The following TENM3 variants were observed in gnomAD, a reference collection of about 807,000 sequenced individuals.
TENM3 encodes the protein teneurin-3.
In TENM3, 63 loss-of-function variants were observed where a neutral mutation model predicts 255.1. The ratio of observed to expected loss-of-function variants is 0.25; its 90% CI spans 0.20 to 0.30. The LOEUF is 0.30. Ranked by LOEUF, TENM3 falls within the 10% of genes least tolerant of loss-of-function variation. The pLI, the probability that TENM3 is intolerant of heterozygous loss-of-function variation, is 1.00. For missense variants in TENM3, 2,929 were observed against 3,461.1 expected (o/e 0.85, Z 3.86); for synonymous variants, 1,306 against 1,322.3 (o/e 0.99, Z 0.27).
intron 3 of TENM3, among the ~76,000 whole-genome samples, chr4:182,370,913 ACAAACT>A (rs1766761936): frequency 6.6e-6 from 1 of 152,150 alleles, no homozygotes; most frequent in Non-Finnish European, 1.5e-5. Flanking sequence ...GCCTCGAGAG[ACAAACT>A]CAACTAGGTA....
intron 3 of TENM3, among the ~76,000 whole-genome samples, chr4:182,595,587 TG>T (rs1747127819): frequency 6.6e-6 from 1 of 152,172 alleles, no homozygotes; most frequent in African/African-American, 2.4e-5. Context: ...AACATGCAAC[TG>T]TTAGGCTTTC....
chr4:181,950,872 C>T, the TENM3 span, among the ~76,000 whole-genome samples: 8 of 152,044 alleles, frequency 5.3e-5, no homozygotes, highest in Non-Finnish European at 1.0e-4. Context: ...GGGATCCTGT[C>T]TCTACAAAAA....
the TENM3 span, among the ~76,000 whole-genome samples, chr4:181,831,691 T>TAACA: frequency 6.6e-6 from 1 of 152,148 alleles, no homozygotes; most frequent in Non-Finnish European, 1.5e-5. Flanking sequence ...GGACACTAGC[T>TAACA]AACAAAGAAC....
chr4:182,430,871 G>T (rs1475801563), intron 3 of TENM3, among the ~76,000 whole-genome samples: 2 of 151,768 alleles, frequency 1.3e-5, no homozygotes, highest in Admixed American at 6.6e-5. Flanking sequence ...AATTAACTGG[G>T]CATGGTGGTG....
intron 1 of TENM3, among the ~76,000 whole-genome samples, chr4:182,156,408 G>A (rs568126947): frequency 6.6e-6 from 1 of 151,988 alleles, no homozygotes; most frequent in East Asian, 1.9e-4. Context: ...TTAGTTACAT[G>A]GGCATGTTGC....
At chr4:182,063,865 C>A in the TENM3 span, among the ~76,000 whole-genome samples, 1 of 151,958 alleles carries the variant, frequency 6.6e-6, no homozygotes. Context: ...CTCTTCCAGG[C>A]CAGAGTATTA....
the TENM3 span, among the ~76,000 whole-genome samples, chr4:181,929,933 T>C: frequency 6.6e-6 from 1 of 152,148 alleles, no homozygotes; most frequent in Non-Finnish European, 1.5e-5. Context: ...GACTACTGGG[T>C]AAATAACAAA....
chr4:181,884,637 T>C, the TENM3 span, among the ~76,000 whole-genome samples: 1 of 152,234 alleles, frequency 6.6e-6, no homozygotes, highest in Non-Finnish European at 1.5e-5. Context: ...CAGAATTTTA[T>C]CTCTTTCGAT....
At chr4:182,587,125 C>G (rs531394817) in intron 3 of TENM3, among the ~76,000 whole-genome samples, 1 of 152,162 alleles carries the variant, frequency 6.6e-6, no homozygotes, top group South Asian at 2.1e-4. Flanking sequence ...CAGTCTCACT[C>G]TGTTGCCCAG....
At chr4:182,785,776 C>CAA (rs34456992) in intron 24 of TENM3, among the ~76,000 whole-genome samples, 75 of 116,502 alleles carry the variant, frequency 6.4e-4, no homozygotes, top group African/African-American at 1.6e-3. Flanking sequence ...ATGACTGTAA[C>CAA]AAAAAAAAAA....
chr4:182,009,567 C>A, the TENM3 span, among the ~76,000 whole-genome samples: 32,364 of 152,122 alleles, frequency 0.21, 3,610 homozygotes, highest in Admixed American at 0.26. Flanking sequence ...AGCTGTCCAG[C>A]CTCCCTGGCT....
At chr4:181,913,821 C>T in the TENM3 span, among the ~76,000 whole-genome samples, 1 of 152,132 alleles carries the variant, frequency 6.6e-6, no homozygotes, top group African/African-American at 2.4e-5. Context: ...CAATTTGTCT[C>T]TCTCTTGGAT....
the TENM3 span, among the ~76,000 whole-genome samples, chr4:181,850,480 A>G: frequency 6.6e-6 from 1 of 152,148 alleles, no homozygotes; most frequent in Non-Finnish European, 1.5e-5. Context: ...TAGGAAATTT[A>G]TATTTCTCAA....
chr4:181,834,333 G>A, the TENM3 span, among the ~76,000 whole-genome samples: 1 of 152,160 alleles, frequency 6.6e-6, no homozygotes, highest in Admixed American at 6.5e-5. Context: ...AACTAAATCT[G>A]TAAGGAAGTC....
At chr4:182,323,194 C>T (rs557596511) in intron 1 of TENM3, among the ~76,000 whole-genome samples, 7 of 152,158 alleles carry the variant, frequency 4.6e-5, no homozygotes, top group Middle Eastern at 3.4e-3. Context: ...CACCATTTGC[C>T]TCGCTTATTC....
intron 1 of TENM3, among the ~76,000 whole-genome samples, chr4:182,201,446 G>GTGTGACAGGACAGGATC (rs1397887059): frequency 6.6e-6 from 1 of 152,186 alleles, no homozygotes; most frequent in African/African-American, 2.4e-5. Flanking sequence ...GACTGATGCT[G>GTGTGACAGGACAGGATC]TGTGACAGGA....
intron 3 of TENM3, among the ~76,000 whole-genome samples, chr4:182,400,492 A>G (rs2151025610): frequency 6.6e-6 from 1 of 152,336 alleles, no homozygotes; most frequent in Admixed American, 6.5e-5. Flanking sequence ...GGCTCATTTC[A>G]TTTATTTCCA....
the TENM3 span, among the ~76,000 whole-genome samples, chr4:181,873,072 G>T: frequency 2.6e-5 from 4 of 151,640 alleles, no homozygotes; most frequent in African/African-American, 9.7e-5. Context: ...TCTAATATAA[G>T]TATTTTTTTT....
chr4:182,726,822 A>G (rs891451024), intron 13 of TENM3, among the ~76,000 whole-genome samples: 1 of 152,198 alleles, frequency 6.6e-6, no homozygotes, highest in African/African-American at 2.4e-5. Flanking sequence ...TAGACTGGGC[A>G]ATTTAATTCA....
Sources: allele counts gnomAD v4.1 joint callset (sites outside exome capture counted in the v4.1 genomes callset), GRCh38; gene constraint gnomAD v4.1.1; transcripts MANE v1.5; gene names NCBI Gene and HGNC (gene_info 2026-07-23, HGNC 2026-07-21).